Variants in ASXL1 observed in about 807,000 individuals in gnomAD.
The protein encoded by ASXL1 is polycomb group protein ASXL1.
A neutral mutation model predicts 89.1 loss-of-function variants in ASXL1; 65 were observed. The ratio of observed to expected loss-of-function variants is 0.73; its 90% CI spans 0.60 to 0.90. The LOEUF is 0.90. ASXL1 is among the 40% of genes least tolerant of loss of function. The pLI is 0.00. For missense variants in ASXL1, 1,786 were observed against 1,942.9 expected (o/e 0.92, Z 1.52); for synonymous variants, 739 against 746.9 (o/e 0.99, Z 0.17).
intron 4 of ASXL1, among the ~76,000 whole-genome samples, chr20:32,399,712 C>T (rs1600525571): frequency 7.6e-6 from 1 of 132,146 alleles, no homozygotes; most frequent in African/African-American, 2.8e-5. Context: ...AAGTTAGTCA[C>T]ATTTAGCATT....
At chr20:32,390,125 G>A (rs2048646458) in intron 4 of ASXL1, among the ~76,000 whole-genome samples, 1 of 152,082 alleles carries the variant, frequency 6.6e-6, no homozygotes, top group Admixed American at 6.6e-5. Context: ...TCCTAACTTA[G>A]CCTACCTTAA....
chr20:32,398,590 G>GTTTT (rs903491143), intron 4 of ASXL1, among the ~76,000 whole-genome samples: 1 of 130,000 alleles, frequency 7.7e-6, no homozygotes, highest in African/African-American at 2.8e-5. Context: ...GGCTGGTTTT[G>GTTTT]TTTTTTTTGT....
chr20:32,410,070 G>C (rs527701307), intron 4 of ASXL1, among the ~76,000 whole-genome samples: 2 of 152,086 alleles, frequency 1.3e-5, no homozygotes, highest in African/African-American at 2.4e-5. Flanking sequence ...CAGGAGACAC[G>C]ATACCTGTTT....
At chr20:32,432,346 C>T (rs1462419064) in intron 10 of ASXL1, 2 of 177,004 alleles carry the variant, frequency 1.1e-5, no homozygotes, top group Non-Finnish European at 2.4e-5. Context: ...ACTAGGGAAA[C>T]CTGTTAAAGA....
rs778222400 is a variant in ASXL1, at chr20:32,435,708, C to T, written c.2996C>T (p.Thr999Met). Residue 999 changes from threonine to methionine, a missense_variant, in exon 13 of 13, where the codon ACG becomes ATG. Thr to Met is a moderately conservative substitution (Grantham distance 81, BLOSUM62 -1). This residue lies in a region of ASXL1 where 1,418 missense variants were observed against 1,427.8 expected (regional missense o/e 0.99). Coordinates refer to ENST00000375687, the MANE Select transcript of ASXL1 (RefSeq NM_015338.6). ...GCACTGAGTCCTCACGGTGAGTCCA[C>T]GGATACAGCCTCTGACTTTGAAGGT... ...SEALSPHGES[T>M]DTASDFEGHL... 2.3e-5 allele frequency: 37 copies of T among 1,614,072 alleles called. No individual in the cohort carries two copies. The highest frequency in any genetic ancestry group is 5.0e-5 in the Admixed American group (3 of 60,004).
intron 4 of ASXL1, among the ~76,000 whole-genome samples, chr20:32,398,231 A>C (rs1489629426): frequency 6.6e-6 from 1 of 152,092 alleles, no homozygotes; most frequent in Non-Finnish European, 1.5e-5. Context: ...AATTTTATAT[A>C]TATTTTCTGA....
At position 32,439,192 on chromosome 20, in the gene ASXL1, C is replaced by T. The variant is rs2012082654; in HGVS notation, c.*1854C>T. The T allele has an allele frequency of 4.3e-6, 1 of 233,460 alleles. No individual in the cohort carries two copies. Among genetic ancestry groups the T allele is most frequent in the Non-Finnish European group, 8.5e-6 (1 of 117,966 alleles). 14.5% of individuals were successfully genotyped at this position (233,460 alleles called of 1,614,324 possible). A position where few individuals can be genotyped will look rare whatever the true frequency, so the allele number is the denominator to read the frequency against. On this transcript the variant is annotated 3_prime_UTR_variant, in exon 13 of 13. Coordinates refer to ENST00000375687, the MANE Select transcript of ASXL1 (RefSeq NM_015338.6). ...AACATGTCCAGTCCTCTTCTTCCCT[C>T]TGCTGGAACCTTTGGGGACACTCAA...
chr20:32,361,633 CAAAAA>C (rs11475139), intron 1 of ASXL1, among the ~76,000 whole-genome samples: 3 of 102,328 alleles, frequency 2.9e-5, no homozygotes, highest in African/African-American at 7.4e-5. Context: ...AGACTCGTCT[CAAAAA>C]AAAAAAAAAA....
At chr20:32,386,744 A>C (rs2048585438) in intron 4 of ASXL1, among the ~76,000 whole-genome samples, 2 of 150,842 alleles carry the variant, frequency 1.3e-5, no homozygotes, top group South Asian at 4.2e-4. Flanking sequence ...ATCGAAATCA[A>C]ATGCCATATT....
intron 4 of ASXL1, among the ~76,000 whole-genome samples, chr20:32,418,335 G>A (rs1357831499): frequency 2.0e-5 from 3 of 152,010 alleles, no homozygotes; most frequent in African/African-American, 7.3e-5. Flanking sequence ...ATAGCACCGT[G>A]GCACTTTAGC....
chr20:32,430,770 C>T (rs1261744723), intron 8 of ASXL1: 1 of 293,022 alleles, frequency 3.4e-6, no homozygotes, highest in African/African-American at 2.2e-5. Context: ...AATCTAAGGT[C>T]TCACAGGTCT....
At chr20:32,389,929 AATTTGTTTTAAAGTT>A (rs748538614) in intron 4 of ASXL1, among the ~76,000 whole-genome samples, 1 of 152,168 alleles carries the variant, frequency 6.6e-6, no homozygotes, top group Non-Finnish European at 1.5e-5. Context: ...CTTTAGTTCA[AATTTGTTTTAAAGTT>A]ATATTTGGTA....
At chr20:32,411,563 A>G (rs1022966606) in intron 4 of ASXL1, among the ~76,000 whole-genome samples, 21 of 116,452 alleles carry the variant, frequency 1.8e-4, no homozygotes, top group Non-Finnish European at 3.5e-4. Flanking sequence ...TTTTTAAAAT[A>G]TGAAGACTCG....
chr20:32,358,635 C>T lies in ASXL1; in HGVS notation c.-141C>T, dbSNP rs886080863. Reference sequence around the variant, plus strand: ...GGTCCCCGCGTGCCCGCCCCTTCTCCCCGGCCGCACCCGAGACCTCGCGCG... The same window carrying T: ...GGTCCCCGCGTGCCCGCCCCTTCTCTCCGGCCGCACCCGAGACCTCGCGCG... On this transcript the variant is annotated 5_prime_UTR_variant, in exon 1 of 13. Coordinates refer to ENST00000375687, the MANE Select transcript of ASXL1 (RefSeq NM_015338.6). 9.5e-5 allele frequency: 20 copies of T among 211,464 alleles called. No individual in the cohort carries two copies. The highest frequency in any genetic ancestry group is 4.5e-4 in the African/African-American group (19 of 42,056). 13.1% of individuals were successfully genotyped at this position (211,464 alleles called of 1,614,324 possible).
chr20:32,401,544 G>GGTT (rs1555907088), intron 4 of ASXL1, among the ~76,000 whole-genome samples: 1 of 69,304 alleles, frequency 1.4e-5, no homozygotes, highest in Non-Finnish European at 3.8e-5. Context: ...GTGTGTGTGT[G>GGTT]TTTTTTCCCC....
chr20:32,435,587 CT>C lies in ASXL1; in HGVS notation c.2876del (p.Leu959ProfsTer25). On this transcript the variant is annotated frameshift_variant, in exon 13 of 13. Transcript: ENST00000375687. LOFTEE classifies it low-confidence loss of function (END_TRUNC). ...AGATCCTCTTGACAGCCTTACTTCACTCTGGACTGTGCCATCTCGAGGAGGC... is the reference window on the plus strand; with the variant it reads ...AGATCCTCTTGACAGCCTTACTTCACCTGGACTGTGCCATCTCGAGGAGGC... ...GLDPLDSLTS[L>X]WTVPSRGGSD... is the part of the protein sequence containing the mutation. The C allele has an allele frequency of 6.2e-7, 1 of 1,614,148 alleles. No homozygotes were observed. The highest frequency in any genetic ancestry group is 8.5e-7 in the Non-Finnish European group (1 of 1,180,044).
intron 4 of ASXL1, among the ~76,000 whole-genome samples, chr20:32,419,067 G>A (rs1003931102): frequency 8.6e-5 from 13 of 151,892 alleles, no homozygotes; most frequent in African/African-American, 2.7e-4. Context: ...TCCTGACGTC[G>A]TGATCTGCCC....
chr20:32,387,188 C>A (rs772868693), intron 4 of ASXL1, among the ~76,000 whole-genome samples: 10 of 151,944 alleles, frequency 6.6e-5, no homozygotes, highest in Non-Finnish European at 8.8e-5. Flanking sequence ...CCCCCATAAT[C>A]CCAGTTACTC....
rs2011911152 is a variant in ASXL1 at position 32,436,663 on chromosome 20, C to G, written c.3951C>G (p.Pro1317=). Residue 1317 remains proline (P), a synonymous_variant, in exon 13 of 13, where the codon CCC becomes CCG. Transcript: ENST00000375687. ...ATGTGGCTGCAACCCTTCAGCGCCC[C>G]AGGCCTGCGGACCCGATGCCTCTTC... The part of the protein sequence containing the change: ...SGNVAATLQR[P]RPADPMPLPA... 7 of 1,614,066 alleles carry G rather than the reference C, an allele frequency of 4.3e-6. No homozygotes were observed. Among genetic ancestry groups the G allele is most frequent in the Non-Finnish European group, 5.9e-6 (7 of 1,180,046 alleles).
Sources: allele counts gnomAD v4.1 joint callset (sites outside exome capture counted in the v4.1 genomes callset), GRCh38; gene constraint gnomAD v4.1.1; regional missense constraint gnomAD v4.1.1; transcripts MANE v1.5; gene names NCBI Gene and HGNC (gene_info 2026-07-23, HGNC 2026-07-21).